Variants in PCDHGA6 observed in about 807,000 individuals in gnomAD.
PCDHGA6 encodes the protein protocadherin gamma subfamily A, 6.
A neutral mutation model predicts 60.6 loss-of-function variants in PCDHGA6; 41 were observed. That is an observed-to-expected ratio of 0.68 (90% CI 0.53 to 0.88). The LOEUF is 0.88. Among genes scored for constraint, PCDHGA6 ranks in the 40% least tolerant of loss-of-function variants. The pLI is 0.00. For synonymous variants in PCDHGA6, 594 were observed against 524.4 expected (o/e 1.13, Z -1.81); for missense variants, 1,312 against 1,203.0 (o/e 1.09, Z -1.34).
chr5:141,498,197 A>C (rs1191884415), intron 2 of PCDHGA6, among the ~76,000 whole-genome samples: 1 of 152,246 alleles, frequency 6.6e-6, no homozygotes. Flanking sequence ...AACCAGCTAA[A>C]GAAAAGAAGG....
chr5:141,505,210 A>G (rs899138393), intron 2 of PCDHGA6, among the ~76,000 whole-genome samples, 183 bp from the exon 3 acceptor site: 3 of 152,192 alleles, frequency 2.0e-5, no homozygotes, highest in African/African-American at 7.2e-5. Flanking sequence ...GGTTTGAGGG[A>G]CTGACTTGTG....
chr5:141,475,008 T>C (rs1292437400), intron 1 of PCDHGA6, among the ~76,000 whole-genome samples: 1 of 152,258 alleles, frequency 6.6e-6, no homozygotes, highest in Admixed American at 6.5e-5. Flanking sequence ...TGCAGAAAAG[T>C]TAAGGCTCTT....
intron 1 of PCDHGA6, among the ~76,000 whole-genome samples, chr5:141,445,078 G>T (rs1591839605): frequency 6.6e-6 from 1 of 152,208 alleles, no homozygotes; most frequent in East Asian, 1.9e-4. Flanking sequence ...TCATTAAATT[G>T]TCCCTACATA....
At chr5:141,484,050 C>T (rs1262678828) in intron 1 of PCDHGA6, among the ~76,000 whole-genome samples, 1 of 151,984 alleles carries the variant, frequency 6.6e-6, no homozygotes, top group Non-Finnish European at 1.5e-5. Flanking sequence ...CAAGAGGTCC[C>T]CTGGGGCTAA....
Position 141,375,928 on chromosome 5 carries a change from A to G in PCDHGA6, c.1845A>G (p.Gly615=), listed in dbSNP as rs3749773. The change falls in exon 1 of 4, where the codon GGA becomes GGG. Residue 615 remains glycine (G), a synonymous_variant. Coordinates refer to ENST00000517434, the MANE Select transcript of PCDHGA6 (RefSeq NM_018919.3). The stretch of plus-strand genomic sequence containing the variant: ...GCCTGCTCAAGGCCAGCGAGCCAGG[A>G]CTTTTCTCAGTGGGCCTGCACACGG... ...SYRLLKASEP[G]LFSVGLHTGE... is the part of the protein sequence containing the mutation. 89,673 of 1,613,560 alleles carry G rather than the reference A, an allele frequency of 0.056. 2,973 individuals are homozygous for G. Among genetic ancestry groups the G allele is most frequent in the African/African-American group, 0.14 (10,626 of 74,980 alleles).
rs112808093 is a variant in PCDHGA6, at chr5:141,489,579, C to T, written c.2425-5228C>T. On this transcript the variant is annotated intron_variant, in intron 1 of 3. Transcript: ENST00000517434. The surrounding 1 kb of genome is among the most constrained non-coding windows in gnomAD (Gnocchi z 4.5). ...CAGTGCAGGTGGTGACTGAACACCC[C>T]CTGGAGCTAATCCGTGTAGAGGTAG... is the stretch of plus-strand genomic sequence containing the variant. 211 of 1,614,038 alleles carry T rather than the reference C, an allele frequency of 1.3e-4. 1 individual carries two copies. In the African/African-American group the frequency reaches 1.7e-3, roughly 13 times the overall value.
intron 1 of PCDHGA6, chr5:141,411,305 C>T (rs1317785609): frequency 6.6e-6 from 1 of 152,176 alleles, no homozygotes; most frequent in Non-Finnish European, 1.5e-5. Context: ...CCCAGTGGCT[C>T]ACACCTATAA....
intron 1 of PCDHGA6, chr5:141,383,656 G>C: frequency 1.2e-6 from 2 of 1,614,008 alleles, no homozygotes; most frequent in South Asian, 1.1e-5. Flanking sequence ...AACTGTCCCC[G>C]AGAATGTGCC....
At position 141,447,650 on chromosome 5, in the gene PCDHGA6, T is replaced by C. The variant is rs555134653; in HGVS notation, c.2425-47157T>C. Reference sequence around the variant, plus strand: ...AACAGTATGAATGATGGTAGAATTTTCCCCCCCAGGAAGTTAGAACTGTTC... The same window carrying C: ...AACAGTATGAATGATGGTAGAATTTCCCCCCCCAGGAAGTTAGAACTGTTC... On this transcript the variant is annotated intron_variant, in intron 1 of 3. Transcript: ENST00000517434. Among the ~76,000 whole-genome samples, 24 of 152,106 alleles carry C rather than the reference T, an allele frequency of 1.6e-4. No homozygotes were observed. The South Asian group carries it at 2.3e-3, about 15-fold the overall frequency.
intron 1 of PCDHGA6, chr5:141,399,919 G>A: frequency 6.2e-7 from 1 of 1,612,300 alleles, no homozygotes; most frequent in Non-Finnish European, 8.5e-7. Flanking sequence ...AGGACACAAC[G>A]CCTGGCTGTC....
intron 1 of PCDHGA6, among the ~76,000 whole-genome samples, chr5:141,482,804 G>T (rs1431490730): frequency 6.6e-6 from 1 of 152,194 alleles, no homozygotes; most frequent in East Asian, 1.9e-4. Flanking sequence ...GGGTACGGTG[G>T]CTCATGCCTG....
chr5:141,505,596 T>G (rs2099846990), intron 3 of PCDHGA6, 115 bp downstream of exon 3: 1 of 1,562,168 alleles, frequency 6.4e-7, no homozygotes, highest in African/African-American at 1.4e-5. Context: ...CTCCAGATCT[T>G]TCGGCAGGTC....
At chr5:141,413,331 C>T (rs1300057166) in intron 1 of PCDHGA6, 1 of 1,613,992 alleles carries the variant, frequency 6.2e-7, no homozygotes, top group Admixed American at 1.7e-5. Context: ...TGGGCAACAT[C>T]TCCAAGGACT....
At position 141,487,507 on chromosome 5, in the gene PCDHGA6, A is replaced by C; in HGVS notation, c.2425-7300A>C. 6.2e-7 allele frequency: 1 copy of C among 1,614,138 alleles called. No individual in the cohort carries two copies. Among genetic ancestry groups the C allele is most frequent in the Non-Finnish European group, 8.5e-7 (1 of 1,180,028 alleles). On this transcript the variant is annotated intron_variant, in intron 1 of 3. Coordinates refer to ENST00000517434, the MANE Select transcript of PCDHGA6 (RefSeq NM_018919.3). This position sits in a 1 kb window ranked among gnomAD's most constrained non-coding sequence, Gnocchi z 5.0. ...ATGGCTGTACACCCTTGGCTTCTGC[A>C]CCCACTCGGAGTGATAGCTTCATGA...
intron 1 of PCDHGA6, chr5:141,383,705 T>A: frequency 1.2e-6 from 2 of 1,614,020 alleles, no homozygotes; most frequent in Non-Finnish European, 1.7e-6. Flanking sequence ...GCTATCGACC[T>A]GGACGAGGGA....
chr5:141,489,990 A>G lies in PCDHGA6; in HGVS notation c.2425-4817A>G. ...TCCAATCCTCAGTTCTACGTGTGGG[A>G]ATCCCAGAGAATGCACCCATTGGTA... is the stretch of plus-strand genomic sequence containing the variant. On this transcript the variant is annotated intron_variant, in intron 1 of 3. Transcript: ENST00000517434. This position sits in a 1 kb window ranked among gnomAD's most constrained non-coding sequence, Gnocchi z 4.5. 6.2e-7 allele frequency: 1 copy of G among 1,614,256 alleles called. No individual in the cohort carries two copies. Among genetic ancestry groups the G allele is most frequent in the Non-Finnish European group, 8.5e-7 (1 of 1,180,030 alleles).
chr5:141,483,730 T>G (rs999201456), intron 1 of PCDHGA6, among the ~76,000 whole-genome samples: 1 of 152,014 alleles, frequency 6.6e-6, no homozygotes, highest in Non-Finnish European at 1.5e-5. Flanking sequence ...CCCACCATAG[T>G]CAAAAGGATA....
rs1272694679 is a variant in PCDHGA6, at chr5:141,486,884, C to T, written c.2425-7923C>T. 7 of 1,614,106 alleles carry T rather than the reference C, an allele frequency of 4.3e-6. No individual in the cohort carries two copies. The highest frequency in any genetic ancestry group is 1.1e-5 in the South Asian group (1 of 91,082). ...TCCAGCTGTGCTCCGTCCTCGGGCC[C>T]GGCCTGGTTCCTTATGTCCCCAAGC... On this transcript the variant is annotated intron_variant, in intron 1 of 3. Coordinates refer to ENST00000517434, the MANE Select transcript of PCDHGA6 (RefSeq NM_018919.3). The surrounding 1 kb of genome is among the most constrained non-coding windows in gnomAD (Gnocchi z 5.0).
chr5:141,496,163 A>T (rs1249396595), intron 2 of PCDHGA6, among the ~76,000 whole-genome samples: 2 of 150,100 alleles, frequency 1.3e-5, no homozygotes, highest in Non-Finnish European at 3.0e-5. Flanking sequence ...TCCACCAGAC[A>T]CCCTCCCATC....
Sources: gnomAD v4.1 joint callset for allele counts (sites outside exome capture counted in the v4.1 genomes callset) on GRCh38, gnomAD v4.1.1 for gene constraint, Gnocchi (gnomAD v3.1) non-coding constraint, MANE v1.5 for transcripts, NCBI Gene and HGNC (gene_info 2026-07-23, HGNC 2026-07-21) for gene names.